ASNS: variants seen among roughly 807,000 people sequenced by gnomAD.
ASNS encodes asparagine synthetase [glutamine-hydrolyzing].
ASNS carries 37 observed loss-of-function variants against 62.6 expected under a neutral mutation model. The ratio of observed to expected loss-of-function variants is 0.59; its 90% CI spans 0.45 to 0.78. ASNS has a LOEUF of 0.78. ASNS is among the 30% of genes least tolerant of loss of function. The pLI is 0.00. For missense variants in ASNS, 520 were observed against 682.4 expected (o/e 0.76, Z 2.65); for synonymous variants, 207 against 237.9 (o/e 0.87, Z 1.19).
At chr7:97,870,252 C>A in intron 1 of ASNS, 1 of 758,690 alleles carries the variant, frequency 1.3e-6, no homozygotes. Flanking sequence ...CACAGAGGTC[C>A]AGATACATTC....
At chr7:97,872,750 G>C (rs1792348161), upstream of ASNS, among the ~76,000 whole-genome samples, 2 of 152,206 alleles carry the variant, frequency 1.3e-5, no homozygotes, top group Admixed American at 6.5e-5. Flanking sequence ...GCAGTGCAGA[G>C]AAAAGCTTGT....
the ASNS span, among the ~76,000 whole-genome samples, chr7:97,899,669 C>T: frequency 6.6e-6 from 1 of 152,214 alleles, no homozygotes; most frequent in African/African-American, 2.4e-5. Context: ...TATAGACTTC[C>T]ATCTGAATGA....
the ASNS span, among the ~76,000 whole-genome samples, chr7:97,911,767 A>G: frequency 6.6e-6 from 1 of 152,048 alleles, no homozygotes; most frequent in Non-Finnish European, 1.5e-5. Flanking sequence ...CACAAGGAAT[A>G]AGGAGGGAGG....
the ASNS span, among the ~76,000 whole-genome samples, chr7:97,894,480 CAAAAAAAAAAAAA>C: frequency 5.5e-5 from 2 of 36,540 alleles, no homozygotes; most frequent in East Asian, 1.1e-3. Context: ...TGAGGCTAAC[CAAAAAAAAAAAAA>C]AAAAAAAAAA....
At chr7:97,877,549 G>A in the ASNS span, among the ~76,000 whole-genome samples, 61 of 152,332 alleles carry the variant, frequency 4.0e-4, no homozygotes, top group Middle Eastern at 6.8e-3. Context: ...CAACCAGAGT[G>A]TCAGCTGGGG....
chr7:97,928,376 G>A, the ASNS span: 1 of 832,800 alleles, frequency 1.2e-6, no homozygotes, highest in Non-Finnish European at 1.8e-6. Flanking sequence ...TGGGGCGTCT[G>A]AGCGCGGGCT....
intron 7 of ASNS, among the ~76,000 whole-genome samples, chr7:97,857,019 GAAGT>G (rs1298361599): frequency 6.6e-6 from 1 of 152,094 alleles, no homozygotes; most frequent in Non-Finnish European, 1.5e-5. Flanking sequence ...CCACCACCAG[GAAGT>G]AAGTCTCCCC....
the ASNS span, among the ~76,000 whole-genome samples, chr7:97,901,934 T>C: frequency 1.3e-5 from 2 of 152,166 alleles, no homozygotes; most frequent in African/African-American, 4.8e-5. Flanking sequence ...GTCACTATTA[T>C]GCCACTGTAC....
rs1265117805 is a variant in ASNS at position 97,859,264 on chromosome 7, G to A, written c.622C>T (p.Arg208Trp). Residue 208 changes from arginine to tryptophan, a missense_variant, in exon 5 of 13, where the codon CGG becomes TGG. Arg to Trp is a moderately radical substitution (Grantham distance 101). Coordinates refer to ENST00000394308, the MANE Select transcript of ASNS (RefSeq NM_001673.5). ...TAGAGGGCGTGCAGGGGTACATCCC[G>A]ACAGTGATGATATTTAACCATTTCC... ...SVEMVKYHHC[R>W]DVPLHALYDN... 21 of 1,613,938 alleles carry A rather than the reference G, an allele frequency of 1.3e-5. No homozygotes were observed. Among genetic ancestry groups the A allele is most frequent in the Middle Eastern group, 1.6e-4 (1 of 6,080 alleles).
chr7:97,866,029 C>T (rs753214150), intron 3 of ASNS, among the ~76,000 whole-genome samples: 1 of 152,094 alleles, frequency 6.6e-6, no homozygotes, highest in Non-Finnish European at 1.5e-5. Context: ...GATTTTGGAG[C>T]ATTTCAAATT....
the ASNS span, among the ~76,000 whole-genome samples, chr7:97,913,295 G>C: frequency 6.6e-6 from 1 of 152,114 alleles, no homozygotes; most frequent in Non-Finnish European, 1.5e-5. Flanking sequence ...CTCCTGTCTG[G>C]GATCTCCAAC....
At chr7:97,874,016 C>T (rs1292149612), upstream of ASNS, among the ~76,000 whole-genome samples, 3 of 152,080 alleles carry the variant, frequency 2.0e-5, no homozygotes, top group African/African-American at 7.2e-5. Flanking sequence ...ACCGGTCTGA[C>T]CAAAGTTTAT....
At chr7:97,899,980 C>T in the ASNS span, among the ~76,000 whole-genome samples, 2 of 152,172 alleles carry the variant, frequency 1.3e-5, no homozygotes, top group African/African-American at 2.4e-5. Context: ...TGAAAAGATG[C>T]TCAATGAAAT....
At position 97,869,105 on chromosome 7, in the gene ASNS, A is replaced by G; in HGVS notation, c.52T>C (p.Cys18Arg). 1 of 1,614,238 alleles carries G rather than the reference A, an allele frequency of 6.2e-7. No individual in the cohort carries two copies. Among genetic ancestry groups the G allele is most frequent in the Non-Finnish European group, 8.5e-7 (1 of 1,180,046 alleles). Residue 18 changes from cysteine to arginine, a missense_variant, in exon 3 of 13, where the codon TGT (cysteine) becomes CGT (arginine). Transcript: ENST00000394308. Reference sequence around the variant, plus strand: ...TGTGCAATCTTCATAGCACTCAGACACTGAACAGAAAGGCAATCATCACTG... The same window carrying G: ...TGTGCAATCTTCATAGCACTCAGACGCTGAACAGAAAGGCAATCATCACTG... ...FGSDDCLSVQCLSAMKIAHRG... is the reference protein window; with the variant it reads ...FGSDDCLSVQRLSAMKIAHRG...
At chr7:97,917,769 T>C in the ASNS span, among the ~76,000 whole-genome samples, 1 of 152,172 alleles carries the variant, frequency 6.6e-6, no homozygotes, top group Non-Finnish European at 1.5e-5. Context: ...CTAAAGACAA[T>C]GCCCCTGGTA....
At chr7:97,898,946 G>A in the ASNS span, 3 of 1,010,652 alleles carry the variant, frequency 3.0e-6, no homozygotes, top group Admixed American at 3.5e-5. Flanking sequence ...GAGACCATCA[G>A]ATGCAATTTG....
the ASNS span, among the ~76,000 whole-genome samples, chr7:97,926,066 C>G: frequency 1.3e-5 from 2 of 149,070 alleles, no homozygotes; most frequent in Non-Finnish European, 3.0e-5. Context: ...CCCTGCCTCC[C>G]CACCATAAAC....
intron 7 of ASNS, 64 bp from the exon 8 acceptor site, chr7:97,856,880 A>G (rs955700210): frequency 1.3e-5 from 19 of 1,449,686 alleles, no homozygotes; most frequent in East Asian, 2.3e-5. Flanking sequence ...AAAATCAAAC[A>G]TGATGGGAGT....
chr7:97,921,174 TG>T, the ASNS span, among the ~76,000 whole-genome samples: 2 of 152,238 alleles, frequency 1.3e-5, no homozygotes, highest in Non-Finnish European at 1.5e-5. Context: ...GGGACTCACC[TG>T]CTGCAACCCT....
Sources: gnomAD v4.1 joint callset for allele counts (sites outside exome capture counted in the v4.1 genomes callset) on GRCh38, gnomAD v4.1.1 for gene constraint, MANE v1.5 for transcripts, NCBI Gene and HGNC (gene_info 2026-07-23, HGNC 2026-07-21) for gene names.